The following RALGPS2 variants were observed in gnomAD, a reference collection of about 807,000 sequenced individuals.
RALGPS2 encodes the protein ras-specific guanine nucleotide-releasing factor RalGPS2.
Under a neutral mutation model 86.8 loss-of-function variants are expected in RALGPS2, and 43 were observed. The observed-to-expected ratio is 0.50, with a 90% CI of 0.39 to 0.64. The LOEUF is 0.64. Among genes scored for constraint, RALGPS2 ranks in the 30% least tolerant of loss-of-function variants. RALGPS2 has a pLI of 0.00. For missense variants in RALGPS2, 536 were observed against 694.6 expected (o/e 0.77, Z 2.57); for synonymous variants, 243 against 231.3 (o/e 1.05, Z -0.46).
intron 4 of RALGPS2, among the ~76,000 whole-genome samples, chr1:178,806,306 A>G (rs1481976445): frequency 2.0e-5 from 3 of 152,176 alleles, no homozygotes; most frequent in Non-Finnish European, 4.4e-5. Flanking sequence ...AGAAAATTGA[A>G]TTCTTCAAAA....
At chr1:178,740,633 C>T (rs1170292179) in intron 1 of RALGPS2, among the ~76,000 whole-genome samples, 1 of 152,124 alleles carries the variant, frequency 6.6e-6, no homozygotes, top group Non-Finnish European at 1.5e-5. Context: ...GGCATGTGTG[C>T]TGAGAGAAGT....
rs115169745 is a variant in RALGPS2 at position 178,888,014 on chromosome 1, G to T, written c.1193-1628G>T. ...TAAGTGTTATAATGAGAATTATTCTGTAGTTTATAGCTTTTACTTTTCATG... is the reference window on the plus strand; with the variant it reads ...TAAGTGTTATAATGAGAATTATTCTTTAGTTTATAGCTTTTACTTTTCATG... On this transcript the variant is annotated intron_variant, in intron 13 of 19. Transcript: ENST00000367635. Among the ~76,000 whole-genome samples the T allele has an allele frequency of 3.3e-3, 497 of 152,144 alleles. 5 individuals are homozygous for T. Among genetic ancestry groups the T allele is most frequent in the African/African-American group, 0.011 (445 of 41,512 alleles).
At chr1:178,839,944 G>A (rs1467466008) in intron 8 of RALGPS2, among the ~76,000 whole-genome samples, 1 of 152,178 alleles carries the variant, frequency 6.6e-6, no homozygotes, top group Non-Finnish European at 1.5e-5. Context: ...TCAACAAGAA[G>A]AGCTAACTAT....
chr1:178,822,212 T>C (rs1213544671), intron 7 of RALGPS2, among the ~76,000 whole-genome samples: 1 of 152,168 alleles, frequency 6.6e-6, no homozygotes, highest in East Asian at 1.9e-4. Context: ...GATATTATGT[T>C]AATCATATTT....
chr1:178,917,797 T>G lies in RALGPS2; in HGVS notation c.*1438T>G, dbSNP rs1188304107. On this transcript the variant is annotated 3_prime_UTR_variant, in exon 20 of 20. Transcript: ENST00000367635. ...CAAACAAAGGCTATATGTCGAATGT[T>G]ATAAACTCTTGAGACATAATGAATT... The G allele has an allele frequency of 1.3e-5, 2 of 152,166 alleles. No homozygotes were observed. The highest frequency in any genetic ancestry group is 4.8e-5 in the African/African-American group (2 of 41,446). 9.4% of individuals were successfully genotyped at this position (152,166 alleles called of 1,614,324 possible).
chr1:178,854,870 CT>C (rs1657424867), intron 8 of RALGPS2, among the ~76,000 whole-genome samples: 1 of 152,158 alleles, frequency 6.6e-6, no homozygotes, highest in African/African-American at 2.4e-5. Flanking sequence ...TTTAGGGTGT[CT>C]GACTCTTGAA....
intron 16 of RALGPS2, among the ~76,000 whole-genome samples, chr1:178,897,416 TA>T (rs1486791032): frequency 6.6e-6 from 1 of 152,080 alleles, no homozygotes; most frequent in African/African-American, 2.4e-5. Flanking sequence ...AGTTTGCCTT[TA>T]GATAGAATCG....
At chr1:178,789,176 G>T (rs1027566061) in intron 4 of RALGPS2, among the ~76,000 whole-genome samples, 2 of 152,130 alleles carry the variant, frequency 1.3e-5, no homozygotes, top group Non-Finnish European at 1.5e-5. Flanking sequence ...CCAAATGCTG[G>T]GTTTACAGGC....
At chr1:178,772,619 G>C (rs1025362479) in intron 1 of RALGPS2, among the ~76,000 whole-genome samples, 4 of 152,068 alleles carry the variant, frequency 2.6e-5, no homozygotes, top group Non-Finnish European at 5.9e-5. Context: ...GTTTCAAGCT[G>C]TTCAGGTATA....
At chr1:178,810,935 C>T (rs910286449) in intron 5 of RALGPS2, among the ~76,000 whole-genome samples, 4 of 151,906 alleles carry the variant, frequency 2.6e-5, no homozygotes, top group African/African-American at 9.7e-5. Flanking sequence ...AGAGCATTAT[C>T]ATATTATATA....
chr1:178,814,561 G>A (rs1031847823), intron 6 of RALGPS2, among the ~76,000 whole-genome samples: 1 of 152,018 alleles, frequency 6.6e-6, no homozygotes, highest in South Asian at 2.1e-4. Context: ...TCAGCCTCCC[G>A]AATAGTTAGG....
intron 1 of RALGPS2, among the ~76,000 whole-genome samples, chr1:178,763,925 T>C (rs1652372718): frequency 1.3e-5 from 2 of 152,162 alleles, no homozygotes; most frequent in South Asian, 4.1e-4. Context: ...TGTGGGTTGA[T>C]TTTAAAGTAT....
intron 8 of RALGPS2, among the ~76,000 whole-genome samples, chr1:178,838,073 A>G (rs1253466679): frequency 1.3e-5 from 2 of 152,218 alleles, no homozygotes; most frequent in Admixed American, 1.3e-4. Flanking sequence ...AAGGAGGCCT[A>G]CCTGCCTCTG....
intron 7 of RALGPS2, among the ~76,000 whole-genome samples, chr1:178,825,546 A>G (rs914286547): frequency 1.3e-5 from 2 of 152,152 alleles, no homozygotes; most frequent in African/African-American, 4.8e-5. Context: ...AAGATTTATG[A>G]TAATAATTTT....
intron 13 of RALGPS2, among the ~76,000 whole-genome samples, chr1:178,888,783 T>C (rs2102384057): frequency 6.6e-6 from 1 of 152,152 alleles, no homozygotes; most frequent in East Asian, 1.9e-4. Flanking sequence ...GAGAGACGAG[T>C]CTAATGGATA....
At chr1:178,843,590 G>A (rs1415076435) in intron 8 of RALGPS2, among the ~76,000 whole-genome samples, 16 of 148,618 alleles carry the variant, frequency 1.1e-4, no homozygotes, top group South Asian at 6.4e-4. Flanking sequence ...CCAACATGGC[G>A]CATGTATACA....
chr1:178,739,480 T>C (rs1483972981), intron 1 of RALGPS2, among the ~76,000 whole-genome samples: 1 of 152,170 alleles, frequency 6.6e-6, no homozygotes, highest in Non-Finnish European at 1.5e-5. Context: ...TTCATTTATG[T>C]GGAAAGAACA....
In RALGPS2 at chr1:178,775,740, A is replaced by T. The variant is rs532385168; in HGVS notation, c.-83-942A>T. On this transcript the variant is annotated intron_variant, in intron 1 of 19. Transcript: ENST00000367635. Reference sequence around the variant, plus strand: ...CTCTGTGTTTGTTTGTTATGTGGGTATATCTTCCCTAATTAGTGTTATTGG... The same window carrying T: ...CTCTGTGTTTGTTTGTTATGTGGGTTTATCTTCCCTAATTAGTGTTATTGG... Among the ~76,000 whole-genome samples, 193 of 152,254 alleles carry T rather than the reference A, an allele frequency of 1.3e-3. 2 individuals are homozygous for T. The highest frequency in any genetic ancestry group is 4.3e-3 in the African/African-American group (177 of 41,570).
rs1348689321 is a variant in RALGPS2, at chr1:178,825,449, G to T, written c.480+3745G>T. Among the ~76,000 whole-genome samples the T allele has an allele frequency of 2.0e-5, 3 of 152,092 alleles. No homozygotes were observed. In the East Asian group the frequency reaches 5.8e-4, roughly 29 times the overall value. On this transcript the variant is annotated intron_variant, in intron 7 of 19. Coordinates refer to ENST00000367635, the MANE Select transcript of RALGPS2 (RefSeq NM_152663.5). ...GAGAAAGGGAGTGCAAGCTGAGGGTGGTAGAAGATAAGATCATTGGAGCAG... is the reference window on the plus strand; with the variant it reads ...GAGAAAGGGAGTGCAAGCTGAGGGTTGTAGAAGATAAGATCATTGGAGCAG...
Sources: gnomAD v4.1 joint callset for allele counts (sites outside exome capture counted in the v4.1 genomes callset) on GRCh38, gnomAD v4.1.1 for gene constraint, MANE v1.5 for transcripts, NCBI Gene and HGNC (gene_info 2026-07-23, HGNC 2026-07-21) for gene names.